Variants in CCDC187 observed in about 807,000 individuals in gnomAD.
CCDC187 encodes the protein coiled-coil domain-containing protein 187.
CCDC187 carries 32 observed loss-of-function variants against 38.0 expected under a neutral mutation model. That is an observed-to-expected ratio of 0.84 (90% CI 0.64 to 1.13). The LOEUF is 1.13. Among genes scored for constraint, CCDC187 ranks in the 50% most tolerant of loss-of-function variants. The pLI, the probability that CCDC187 is intolerant of heterozygous loss-of-function variation, is 0.00. For synonymous variants in CCDC187, 333 were observed against 347.9 expected, an observed-to-expected ratio of 0.96 and a Z score of 0.48; for missense variants, 707 against 786.8, an observed-to-expected ratio of 0.90 and a Z score of 1.21.
At chr9:136,292,082 C>A (rs1012189216) in intron 5 of CCDC187, 79 bp downstream of exon 5, 17 of 398,498 alleles carry the variant, frequency 4.3e-5, no homozygotes, top group African/African-American at 2.9e-4. Flanking sequence ...CGGCCTGGAG[C>A]CTGGGTGTCT....
chr9:136,284,187 C>A (rs1455778075), intron 9 of CCDC187, among the ~76,000 whole-genome samples: 2 of 152,062 alleles, frequency 1.3e-5, no homozygotes, highest in Non-Finnish European at 2.9e-5. Flanking sequence ...CTCCTTCCCC[C>A]ACATGTGGAC....
In CCDC187 at chr9:136,258,637, C is replaced by G; in HGVS notation, c.4366+295G>C. 1.1e-6 allele frequency: 1 copy of G among 940,554 alleles called. No homozygotes were observed. Among genetic ancestry groups the G allele is most frequent in the African/African-American group, 1.8e-5 (1 of 56,424 alleles). 58.3% of individuals were successfully genotyped at this position (940,554 alleles called of 1,614,324 possible). A position where few individuals can be genotyped will look rare whatever the true frequency, so the allele number is the denominator to read the frequency against. On this transcript the variant is annotated intron_variant, in intron 22 of 25. Transcript: ENST00000638797. The surrounding 1 kb of genome is among the most constrained non-coding windows in gnomAD (Gnocchi z 4.3). The stretch of plus-strand genomic sequence containing the variant: ...GAAGACGCTCAGGCAGTGCTGGCTT[C>G]CAAACACTTAAAAATCTGCCCCAGA...
At chr9:136,293,341 A>ATG (rs1831404189) in intron 4 of CCDC187, among the ~76,000 whole-genome samples, 5 of 145,542 alleles carry the variant, frequency 3.4e-5, no homozygotes, top group African/African-American at 1.3e-4. Flanking sequence ...ACACACTCAC[A>ATG]CTCACATGCT....
chr9:136,261,779 CG>C (rs1830681697), intron 19 of CCDC187, among the ~76,000 whole-genome samples: 1 of 152,160 alleles, frequency 6.6e-6, no homozygotes, highest in African/African-American at 2.4e-5. Context: ...CGCTGCCCCC[CG>C]CTTTCTGCTT....
At chr9:136,299,769 C>G (rs1009032828) in intron 3 of CCDC187, among the ~76,000 whole-genome samples, 24,910 of 152,176 alleles carry the variant, frequency 0.16, 2,562 homozygotes, top group East Asian at 0.31. Context: ...AGCCCGCCAA[C>G]GGTTCAGCGT....
In CCDC187 at chr9:136,293,171, ATGCTC is replaced by A. The variant is rs1831382633; in HGVS notation, c.833-881_833-877del. On this transcript the variant is annotated intron_variant, in intron 4 of 25. Transcript: ENST00000638797. ...CACAAACACATGCTCACACACTCAC[ATGCTC>A]ACACACACTCACATGCTCACACACT... is the stretch of plus-strand genomic sequence containing the variant. 5.7e-4 allele frequency among the ~76,000 whole-genome samples: 6 copies of A among 10,494 alleles called. 1 individual carries two copies. The highest frequency in any genetic ancestry group is 3.4e-3 in the African/African-American group (6 of 1,774). The allele number at this position is 10,494 out of a possible 152,430, so 6.9% of individuals were successfully genotyped here.
chr9:136,255,928 T>C (rs1360121595), intron 24 of CCDC187, among the ~76,000 whole-genome samples, 195 bp from the exon 25 acceptor site: 1 of 152,134 alleles, frequency 6.6e-6, no homozygotes, highest in Admixed American at 6.5e-5. Context: ...GGGCATCCAG[T>C]CTCAATCCCA....
intron 7 of CCDC187, among the ~76,000 whole-genome samples, chr9:136,289,159 C>T (rs932543061): frequency 1.3e-5 from 2 of 152,216 alleles, no homozygotes; most frequent in Admixed American, 6.5e-5. Context: ...GCCTGGAAAA[C>T]GTTATCCTCG....
intron 14 of CCDC187, among the ~76,000 whole-genome samples, chr9:136,272,719 C>A (rs114977206): frequency 0.11 from 15,939 of 148,294 alleles, 1,146 homozygotes; most frequent in Admixed American, 0.19. Context: ...AAAAAAAAAA[C>A]AAAAACTAGC....
At chr9:136,301,810 G>T (rs982170527) in intron 2 of CCDC187, among the ~76,000 whole-genome samples, 1 of 151,776 alleles carries the variant, frequency 6.6e-6, no homozygotes, top group Non-Finnish European at 1.5e-5. Context: ...GGATAGTCTC[G>T]ATCTCCAGAC....
chr9:136,303,432 A>T (rs1831739185), intron 1 of CCDC187, 139 bp from the exon 2 acceptor site: 1 of 354,682 alleles, frequency 2.8e-6, no homozygotes, highest in African/African-American at 2.1e-5. Flanking sequence ...AATACACCCC[A>T]CCTGGAGGAC....
At position 136,281,421 on chromosome 9, in the gene CCDC187, C is replaced by T. The variant is rs1831038246; in HGVS notation, c.3040+130G>A. On this transcript the variant is annotated intron_variant, in intron 10 of 25. Transcript: ENST00000638797. ...CCTTTAATAACGAGGCGTGGATGCT[C>T]TCCACGTGGAAAAGGATTTCTCTAC... 1.0e-5 allele frequency: 4 copies of T among 398,464 alleles called. No individual in the cohort carries two copies. In the South Asian group the frequency reaches 5.1e-4, roughly 51 times the overall value. 24.7% of individuals were successfully genotyped at this position (398,464 alleles called of 1,614,324 possible). A position where few individuals can be genotyped will look rare whatever the true frequency, so the allele number is the denominator to read the frequency against.
rs1830585776 is a variant in CCDC187, at chr9:136,254,283, T to A, written c.5545A>T (p.Thr1849Ser). 1.0e-6 allele frequency: 1 copy of A among 979,512 alleles called. No homozygotes were observed. The highest frequency in any genetic ancestry group is 4.7e-5 in the South Asian group (1 of 21,132). The allele number at this position is 979,512 out of a possible 1,614,324, so 60.7% of individuals were successfully genotyped here. The change falls in exon 26 of 26, where the codon ACC becomes TCC. Residue 1849 changes from threonine to serine, a missense_variant. By Grantham distance (58) the Thr-to-Ser change is moderately conservative. Coordinates refer to ENST00000638797, the MANE Select transcript of CCDC187 (RefSeq NM_001378188.1). ...GACACCCCCATCAGGCTCTCGCTGG[T>A]CCCAGAAGCTTCCAGCCCCTCCCCA... Reference protein sequence around the residue: ...WPGEGLEASGTSESLMGVSDT... With the variant: ...WPGEGLEASGSSESLMGVSDT...
chr9:136,301,301 G>A (rs1831674599), intron 2 of CCDC187, among the ~76,000 whole-genome samples: 1 of 151,472 alleles, frequency 6.6e-6, no homozygotes, highest in East Asian at 1.9e-4. Context: ...ACGAAAACAT[G>A]CACTGCCTTA....
chr9:136,283,375 G>A (rs945446233), intron 9 of CCDC187, among the ~76,000 whole-genome samples: 2 of 152,262 alleles, frequency 1.3e-5, no homozygotes, highest in East Asian at 3.8e-4. Context: ...GAGGCTGTGT[G>A]CGCCAGCCCT....
chr9:136,301,750 C>A (rs1444095303), intron 2 of CCDC187, among the ~76,000 whole-genome samples: 1 of 151,924 alleles, frequency 6.6e-6, no homozygotes, highest in Non-Finnish European at 1.5e-5. Flanking sequence ...CCATGCCCAG[C>A]TAGTTTTTTT....
chr9:136,261,003 G>T (rs868971367), intron 19 of CCDC187, among the ~76,000 whole-genome samples: 1 of 152,172 alleles, frequency 6.6e-6, no homozygotes, highest in East Asian at 1.9e-4. Context: ...TCTTAGAGCC[G>T]CCCCAGAAAC....
At chr9:136,305,759 C>G (rs1831793053), upstream of CCDC187, among the ~76,000 whole-genome samples, 1 of 152,258 alleles carries the variant, frequency 6.6e-6, no homozygotes, top group East Asian at 1.9e-4. Context: ...ACAGCAAATG[C>G]CTGGGAACGG....
In CCDC187 at chr9:136,290,054, C is replaced by T. The variant is rs1348420429; in HGVS notation, c.2128-1G>A. ...CCAGGCTCCCGGAGGCTTCCAGGCC[C>T]TAAAGTAGAGGGCAATGCCATCAGA... On this transcript the variant is annotated splice_acceptor_variant, in intron 6 of 25. Transcript: ENST00000638797. LOFTEE classifies it high-confidence loss of function. 2.5e-6 allele frequency: 1 copy of T among 398,724 alleles called. No homozygotes were observed. The highest frequency in any genetic ancestry group is 4.4e-6 in the Non-Finnish European group (1 of 226,252). The allele number at this position is 398,724 out of a possible 1,614,324, so 24.7% of individuals were successfully genotyped here. A position where few individuals can be genotyped will look rare whatever the true frequency, so the allele number is the denominator to read the frequency against.
Sources: gnomAD v4.1 joint callset for allele counts (sites outside exome capture counted in the v4.1 genomes callset) on GRCh38, gnomAD v4.1.1 for gene constraint, Gnocchi (gnomAD v3.1) non-coding constraint, MANE v1.5 for transcripts, NCBI Gene and HGNC (gene_info 2026-07-23, HGNC 2026-07-21) for gene names.